NWD2: variants seen among roughly 807,000 people sequenced by gnomAD.
NWD2 encodes NACHT and WD repeat domain containing 2, also known as NACHT and WD repeat domain-containing protein 2.
A neutral mutation model predicts 132.7 loss-of-function variants in NWD2; 37 were observed. That is an observed-to-expected ratio of 0.28 (90% CI 0.21 to 0.37). The LOEUF (loss-of-function observed/expected upper bound fraction) is 0.37, where lower values mean the gene tolerates loss of function less well. NWD2 is among the 10% of genes least tolerant of loss of function. NWD2 has a pLI of 1.00. For missense variants in NWD2, 1,592 were observed against 2,122.4 expected (o/e 0.75, Z 4.91); for synonymous variants, 705 against 803.0 (o/e 0.88, Z 2.06).
intron 3 of NWD2, among the ~76,000 whole-genome samples, chr4:37,379,824 T>C (rs1720417299): frequency 6.6e-6 from 1 of 152,234 alleles, no homozygotes; most frequent in Admixed American, 6.5e-5. Context: ...CTCCTACCTG[T>C]ACCTATTTCC....
chr4:37,323,229 A>G (rs1265763460), intron 1 of NWD2, among the ~76,000 whole-genome samples: 1 of 152,198 alleles, frequency 6.6e-6, no homozygotes, highest in African/African-American at 2.4e-5. Flanking sequence ...ATTTGGTGCT[A>G]TAGCAAAAGA....
intron 3 of NWD2, among the ~76,000 whole-genome samples, chr4:37,419,220 C>T (rs2109322100): frequency 6.6e-6 from 1 of 152,254 alleles, no homozygotes; most frequent in African/African-American, 2.4e-5. Flanking sequence ...AAACTGGACC[C>T]CTTCCTTACA....
intron 1 of NWD2, among the ~76,000 whole-genome samples, chr4:37,299,324 C>G (rs550313897): frequency 2.0e-5 from 3 of 152,212 alleles, no homozygotes; most frequent in Non-Finnish European, 2.9e-5. Context: ...TTACTTTTCT[C>G]TTTTCCAAGG....
At chr4:37,265,686 A>C (rs1296685876) in intron 1 of NWD2, among the ~76,000 whole-genome samples, 1 of 151,680 alleles carries the variant, frequency 6.6e-6, no homozygotes, top group Admixed American at 6.6e-5. Context: ...TCCTTCTCTG[A>C]TTCTGCTTTT....
intron 3 of NWD2, among the ~76,000 whole-genome samples, chr4:37,375,130 C>T (rs1031270841): frequency 6.6e-6 from 1 of 152,152 alleles, no homozygotes; most frequent in Non-Finnish European, 1.5e-5. Flanking sequence ...TAAATTGTTC[C>T]ATTGTGAAGA....
intron 1 of NWD2, among the ~76,000 whole-genome samples, chr4:37,315,087 G>A (rs1718931805): frequency 6.6e-6 from 1 of 151,994 alleles, no homozygotes; most frequent in Admixed American, 6.6e-5. Flanking sequence ...CCAAAAATCT[G>A]GAAGCTTCCC....
At position 37,444,627 on chromosome 4, in the gene NWD2, C is replaced by T. The variant is rs1184384598; in HGVS notation, c.2639C>T (p.Ala880Val). 1 of 1,552,152 alleles carries T rather than the reference C, an allele frequency of 6.4e-7. No homozygotes were observed. Among genetic ancestry groups the T allele is most frequent in the South Asian group, 1.2e-5 (1 of 84,060 alleles). Residue 880 changes from alanine (A) to valine (V), a missense_variant, in exon 7 of 7, where the codon GCT (alanine) becomes GTT (valine). Ala to Val is a moderately conservative substitution (Grantham distance 64). Around this residue, in one of 7 missense-constraint regions of NWD2, gnomAD observed 1,071 missense variants for 1,398.0 expected, o/e 0.77. Transcript: ENST00000309447. This position sits in a 1 kb window ranked among gnomAD's most constrained non-coding sequence, Gnocchi z 4.8. Reference protein sequence around the residue: ...FDKVLSDIELAYNYSQEKELK... With the variant: ...FDKVLSDIELVYNYSQEKELK... ...AAAGTGCTTTCAGACATTGAGCTGG[C>T]TTACAACTACTCGCAAGAGAAGGAG...
At position 37,448,375 on chromosome 4, in the gene NWD2, A is replaced by G. The variant is rs368966377; in HGVS notation, c.*1158A>G. On this transcript the variant is annotated 3_prime_UTR_variant, in exon 7 of 7. Transcript: ENST00000309447. ...TTTCTTACTTCTACACACCATCTGT[A>G]TGCTTCTTTATCTGTTACTCTTCCT... 1 of 152,268 alleles carries G rather than the reference A, an allele frequency of 6.6e-6. No individual in the cohort carries two copies. The highest frequency in any genetic ancestry group is 1.5e-5 in the Non-Finnish European group (1 of 68,008). The allele number at this position is 152,268 out of a possible 1,614,324, so 9.4% of individuals were successfully genotyped here.
At position 37,449,177 on chromosome 4, in the gene NWD2, T is replaced by C. The variant is rs1429516634; in HGVS notation, c.*1960T>C. 6.6e-6 allele frequency: 1 copy of C among 152,208 alleles called. No homozygotes were observed. Among genetic ancestry groups the C allele is most frequent in the Non-Finnish European group, 1.5e-5 (1 of 68,028 alleles). 9.4% of individuals were successfully genotyped at this position (152,208 alleles called of 1,614,324 possible). On this transcript the variant is annotated 3_prime_UTR_variant, in exon 7 of 7. Coordinates refer to ENST00000309447, the MANE Select transcript of NWD2 (RefSeq NM_001144990.2). ...CATTTCTAAGAATTAAATGCCTAGA[T>C]GGATTAAATGTAGTATGTGAATGTT...
intron 3 of NWD2, among the ~76,000 whole-genome samples, chr4:37,369,734 G>T (rs1258017631): frequency 6.6e-6 from 1 of 152,146 alleles, no homozygotes; most frequent in African/African-American, 2.4e-5. Flanking sequence ...TAGAGGGGGG[G>T]TCAAAGTAGG....
intron 3 of NWD2, among the ~76,000 whole-genome samples, chr4:37,405,514 G>A (rs1272255738): frequency 6.6e-6 from 1 of 151,960 alleles, no homozygotes; most frequent in Non-Finnish European, 1.5e-5. Flanking sequence ...CGAATTGCAT[G>A]TAATAAAGTT....
At chr4:37,403,634 C>T (rs10517422) in intron 3 of NWD2, among the ~76,000 whole-genome samples, 22,996 of 152,154 alleles carry the variant, frequency 0.15, 2,222 homozygotes, top group Admixed American at 0.2. Flanking sequence ...AAGCTCAAAT[C>T]CTCTCTAGGA....
At chr4:37,375,697 T>C (rs542606988) in intron 3 of NWD2, among the ~76,000 whole-genome samples, 1 of 151,832 alleles carries the variant, frequency 6.6e-6, no homozygotes, top group East Asian at 1.9e-4. Flanking sequence ...GCCTCCCGAG[T>C]AGTTAGGACT....
chr4:37,331,731 G>C (rs1719296046), intron 2 of NWD2, among the ~76,000 whole-genome samples: 1 of 152,216 alleles, frequency 6.6e-6, no homozygotes, highest in Non-Finnish European at 1.5e-5. Context: ...AATCAGGTGA[G>C]TGATCCCAGT....
chr4:37,388,627 TTATATATCATATATAAATA>T (rs1329894447), intron 3 of NWD2, among the ~76,000 whole-genome samples: 3 of 120,828 alleles, frequency 2.5e-5, no homozygotes, highest in African/African-American at 3.7e-5. Flanking sequence ...TATATTTATG[TTATATATCATATATAAATA>T]TATATATCAT....
Position 37,446,879 on chromosome 4 carries a change from A to G in NWD2, c.4891A>G (p.Ile1631Val). 1.9e-6 allele frequency: 3 copies of G among 1,551,746 alleles called. No individual in the cohort carries two copies. Among genetic ancestry groups the G allele is most frequent in the Non-Finnish European group, 2.6e-6 (3 of 1,146,968 alleles). Residue 1631 changes from isoleucine to valine, a missense_variant, in exon 7 of 7, where the codon ATC (isoleucine) becomes GTC (valine). Ile to Val is a conservative substitution (Grantham distance 29, BLOSUM62 3). Around this residue, in one of 7 missense-constraint regions of NWD2, gnomAD observed 257 missense variants for 335.0 expected, o/e 0.77. Transcript: ENST00000309447. This position sits in a 1 kb window ranked among gnomAD's most constrained non-coding sequence, Gnocchi z 6.7. ...FLALSQRHLN[I>V]IVGFDDGSIG... ...TGCACTCTCCCAGAGGCACCTGAAC[A>G]TCATTGTGGGCTTTGATGATGGGAG...
Position 37,448,845 on chromosome 4 carries a change from T to C in NWD2, c.*1628T>C, listed in dbSNP as rs1712711276. The C allele has an allele frequency of 1.3e-5, 2 of 152,220 alleles. No individual in the cohort carries two copies. The allele number at this position is 152,220 out of a possible 1,614,324, so 9.4% of individuals were successfully genotyped here. On this transcript the variant is annotated 3_prime_UTR_variant, in exon 7 of 7. Coordinates refer to ENST00000309447, the MANE Select transcript of NWD2 (RefSeq NM_001144990.2). ...AAAACTTCAGCAACATCATGATTAT[T>C]GATGCTAATAGGAAAAATAAATTCA...
At chr4:37,363,395 C>T (rs970564347) in intron 3 of NWD2, among the ~76,000 whole-genome samples, 38 of 152,168 alleles carry the variant, frequency 2.5e-4, no homozygotes, top group Non-Finnish European at 3.8e-4. Context: ...TAGGTGTCCA[C>T]GTCTAGTGGA....
intron 2 of NWD2, among the ~76,000 whole-genome samples, chr4:37,348,432 T>G (rs1010834100): frequency 1.3e-5 from 2 of 151,646 alleles, no homozygotes; most frequent in African/African-American, 4.8e-5. Context: ...ATCAAAAAAC[T>G]GGCAGAGAAG....
Sources: gnomAD v4.1 joint callset for allele counts (sites outside exome capture counted in the v4.1 genomes callset) on GRCh38, gnomAD v4.1.1 for gene constraint, gnomAD v4.1.1 regional missense constraint, Gnocchi (gnomAD v3.1) non-coding constraint, MANE v1.5 for transcripts, NCBI Gene and HGNC (gene_info 2026-07-23, HGNC 2026-07-21) for gene names.